The following SORCS1 variants were observed in gnomAD, a reference collection of about 807,000 sequenced individuals.
The protein encoded by SORCS1 is VPS10 domain-containing receptor SorCS1.
Under a neutral mutation model 146.1 loss-of-function variants are expected in SORCS1, and 60 were observed. That is an observed-to-expected ratio of 0.41 (90% CI 0.33 to 0.51). The LOEUF (loss-of-function observed/expected upper bound fraction) is 0.51. Ranked by LOEUF, SORCS1 falls within the 20% of genes least tolerant of loss-of-function variation. The pLI is 0.21. For missense variants in SORCS1, 1,352 were observed against 1,487.6 expected, an observed-to-expected ratio of 0.91 and a Z score of 1.50; for synonymous variants, 637 against 584.0, an observed-to-expected ratio of 1.09 and a Z score of -1.31.
chr10:106,667,990 A>G (rs1015115113), intron 16 of SORCS1, among the ~76,000 whole-genome samples, 188 bp from the exon 17 acceptor site: 14 of 152,274 alleles, frequency 9.2e-5, no homozygotes, highest in African/African-American at 3.4e-4. Flanking sequence ...TTTTCATAGA[A>G]TATCTATCAA....
intron 2 of SORCS1, among the ~76,000 whole-genome samples, chr10:106,916,881 C>A (rs539070819): frequency 6.6e-6 from 1 of 152,030 alleles, no homozygotes; most frequent in Non-Finnish European, 1.5e-5. Context: ...TCCCAAGTAG[C>A]TGGGATTACA....
the SORCS1 span, among the ~76,000 whole-genome samples, chr10:107,178,488 A>T: frequency 8.9e-4 from 133 of 148,904 alleles, no homozygotes; most frequent in South Asian, 1.5e-3. Context: ...AAATTATTTT[A>T]TATATATATA....
intron 1 of SORCS1, among the ~76,000 whole-genome samples, chr10:107,003,077 G>A (rs1957282891): frequency 6.6e-6 from 1 of 152,090 alleles, no homozygotes; most frequent in Non-Finnish European, 1.5e-5. Flanking sequence ...CCAACATGGT[G>A]AAACCTGTCT....
At chr10:106,817,050 C>T (rs1036566728) in intron 3 of SORCS1, among the ~76,000 whole-genome samples, 2 of 152,104 alleles carry the variant, frequency 1.3e-5, no homozygotes, top group Non-Finnish European at 2.9e-5. Context: ...TAAATCAGTT[C>T]GTTAAATAAT....
chr10:106,735,819 A>C (rs1479209050), intron 5 of SORCS1, among the ~76,000 whole-genome samples: 1 of 152,226 alleles, frequency 6.6e-6, no homozygotes, highest in Non-Finnish European at 1.5e-5. Flanking sequence ...GTATACATTT[A>C]TAAGCAGGTG....
intron 3 of SORCS1, among the ~76,000 whole-genome samples, chr10:106,809,834 C>A (rs1947370713): frequency 6.6e-6 from 1 of 152,176 alleles, no homozygotes; most frequent in South Asian, 2.1e-4. Flanking sequence ...CTTTAAGGCA[C>A]ATCTACTGTT....
chr10:107,064,410 A>T (rs568162085), intron 1 of SORCS1, among the ~76,000 whole-genome samples: 122 of 152,310 alleles, frequency 8.0e-4, no homozygotes, highest in African/African-American at 2.9e-3. Context: ...AATGGTGAGG[A>T]AAAGCAAATC....
intron 6 of SORCS1, among the ~76,000 whole-genome samples, chr10:106,720,895 G>C (rs1033150834): frequency 6.6e-6 from 1 of 151,996 alleles, no homozygotes; most frequent in African/African-American, 2.4e-5. Context: ...TTGTTGTACT[G>C]TCACTATCAG....
At chr10:106,812,339 G>A (rs568098165) in intron 3 of SORCS1, among the ~76,000 whole-genome samples, 38 of 152,238 alleles carry the variant, frequency 2.5e-4, no homozygotes, top group Non-Finnish European at 4.4e-4. Flanking sequence ...ACCACCATAC[G>A]TGGGAATGTT....
At chr10:106,972,483 T>C (rs1955828427) in intron 1 of SORCS1, among the ~76,000 whole-genome samples, 1 of 151,946 alleles carries the variant, frequency 6.6e-6, no homozygotes, top group African/African-American at 2.4e-5. Flanking sequence ...CTGAATAACA[T>C]AATCTATCCT....
intron 2 of SORCS1, among the ~76,000 whole-genome samples, chr10:106,937,513 C>A (rs1589745580): frequency 6.6e-6 from 1 of 152,236 alleles, no homozygotes; most frequent in East Asian, 1.9e-4. Flanking sequence ...TTCCCTTGCA[C>A]ATGCTCTCTT....
intron 1 of SORCS1, among the ~76,000 whole-genome samples, chr10:107,072,297 G>A (rs1288497260): frequency 6.6e-6 from 1 of 152,166 alleles, no homozygotes; most frequent in Non-Finnish European, 1.5e-5. Context: ...GAGTGCAGAA[G>A]GGTAGGTTTG....
At chr10:106,760,123 T>G (rs1304127001) in intron 5 of SORCS1, among the ~76,000 whole-genome samples, 1 of 151,964 alleles carries the variant, frequency 6.6e-6, no homozygotes, top group Non-Finnish European at 1.5e-5. Flanking sequence ...GAGGATAGGG[T>G]CCTTATGATG....
intron 24 of SORCS1, among the ~76,000 whole-genome samples, chr10:106,583,632 T>C (rs1845051176): frequency 6.6e-6 from 1 of 152,056 alleles, no homozygotes; most frequent in African/African-American, 2.4e-5. Flanking sequence ...GCCTCTCGAG[T>C]AGCTGAGATT....
At chr10:106,747,631 G>A (rs1377497463) in intron 5 of SORCS1, among the ~76,000 whole-genome samples, 1 of 152,068 alleles carries the variant, frequency 6.6e-6, no homozygotes, top group African/African-American at 2.4e-5. Flanking sequence ...CTGCATCTCG[G>A]TAGTTATCTA....
intron 1 of SORCS1, among the ~76,000 whole-genome samples, chr10:107,052,939 T>C (rs1227586177): frequency 2.0e-5 from 3 of 152,192 alleles, no homozygotes; most frequent in African/African-American, 4.8e-5. Flanking sequence ...CTTTCTCCTC[T>C]AGCCATTTTT....
intron 15 of SORCS1, 106 bp downstream of exon 15, chr10:106,672,762 C>T (rs1039135453): frequency 1.2e-5 from 10 of 821,314 alleles, no homozygotes; most frequent in Non-Finnish European, 2.0e-5. Context: ...AGTAGATGGA[C>T]ATTTTGGCCT....
intron 1 of SORCS1, among the ~76,000 whole-genome samples, chr10:107,110,029 T>C (rs1016295975): frequency 1.3e-5 from 2 of 152,200 alleles, no homozygotes; most frequent in Admixed American, 1.3e-4. Context: ...GTTTCTTTGC[T>C]TCAGTTCCCA....
intron 19 of SORCS1, among the ~76,000 whole-genome samples, chr10:106,624,353 T>A (rs113348047): frequency 0.049 from 184 of 3,764 alleles, 2 homozygotes; most frequent in Non-Finnish European, 0.11. Context: ...ACGATTTTTT[T>A]TTTTTTTTTT....
Sources: gnomAD v4.1 joint callset for allele counts (sites outside exome capture counted in the v4.1 genomes callset) on GRCh38, gnomAD v4.1.1 for gene constraint, MANE v1.5 for transcripts, NCBI Gene and HGNC (gene_info 2026-07-23, HGNC 2026-07-21) for gene names.